Variants in BCAT1 observed in about 807,000 individuals in gnomAD.
BCAT1 encodes branched chain amino acid transaminase 1.
Under a neutral mutation model 52.4 loss-of-function variants are expected in BCAT1, and 48 were observed. The observed-to-expected ratio is 0.92, with a 90% CI of 0.73 to 1.16. BCAT1 has a LOEUF of 1.16. Ranked by LOEUF, BCAT1 falls within the 50% of genes most tolerant of loss-of-function variation. The probability of loss-of-function intolerance (pLI) is 0.00; values close to 1 mark genes in which losing one functional copy is unlikely to be tolerated. For missense variants in BCAT1, 451 were observed against 457.1 expected (o/e 0.99, Z 0.12); for synonymous variants, 167 against 161.3 (o/e 1.04, Z -0.27).
intron 5 of BCAT1, among the ~76,000 whole-genome samples, chr12:24,854,562 A>C (rs1361241130): frequency 1.3e-5 from 2 of 152,178 alleles, no homozygotes; most frequent in African/African-American, 4.8e-5. Context: ...GAGGGTCAGG[A>C]AAGCGAGGGC....
At chr12:24,942,483 G>A (rs1204018878) in intron 1 of BCAT1, among the ~76,000 whole-genome samples, 2 of 151,236 alleles carry the variant, frequency 1.3e-5, no homozygotes, top group African/African-American at 4.9e-5. Context: ...GGCAGAGGTT[G>A]CAGTGAGCCA....
chr12:24,814,265 T>C lies in BCAT1; in HGVS notation c.*3743A>G, dbSNP rs1365225444. On this transcript the variant is annotated 3_prime_UTR_variant, in exon 11 of 11. Coordinates refer to ENST00000261192, the MANE Select transcript of BCAT1 (RefSeq NM_005504.7). ...ATGAAATAAGGGATTTCTCTAACCCTTAACTCTTCTGCCGGCTTACTTGGT... is the reference window on the plus strand; with the variant it reads ...ATGAAATAAGGGATTTCTCTAACCCCTAACTCTTCTGCCGGCTTACTTGGT... The C allele has an allele frequency of 4.6e-5, 7 of 152,116 alleles. No homozygotes were observed. The highest frequency in any genetic ancestry group is 3.9e-4 in the Admixed American group (6 of 15,266). 9.4% of individuals were successfully genotyped at this position (152,116 alleles called of 1,614,324 possible). A position where few individuals can be genotyped will look rare whatever the true frequency, so the allele number is the denominator to read the frequency against.
At chr12:24,869,964 G>A (rs1240212994) in intron 5 of BCAT1, among the ~76,000 whole-genome samples, 1 of 151,960 alleles carries the variant, frequency 6.6e-6, no homozygotes, top group South Asian at 2.1e-4. Context: ...GAGAGATAAT[G>A]TACAAACACA....
intron 8 of BCAT1, among the ~76,000 whole-genome samples, chr12:24,835,592 T>A (rs532559034): frequency 7.3e-4 from 103 of 140,584 alleles, no homozygotes; most frequent in African/African-American, 2.5e-3. Context: ...TATTTATTTA[T>A]TTAATTTACT....
At chr12:24,933,305 G>A (rs979592388) in intron 1 of BCAT1, among the ~76,000 whole-genome samples, 7 of 151,888 alleles carry the variant, frequency 4.6e-5, no homozygotes, top group Non-Finnish European at 8.8e-5. Flanking sequence ...TCATCCATGA[G>A]AGGTGGGTTG....
In BCAT1 at chr12:24,842,797, A is replaced by G. The variant is rs548951863; in HGVS notation, c.675-573T>C. 2.0e-5 allele frequency among the ~76,000 whole-genome samples: 3 copies of G among 152,334 alleles called. No homozygotes were observed. The South Asian group carries it at 6.2e-4, about 32-fold the overall frequency. The stretch of plus-strand genomic sequence containing the variant: ...TTAAAAGTCTCGATGTTGACCAAAA[A>G]GTATTTCAAAAGCCTATTTTTCTCA... On this transcript the variant is annotated intron_variant, in intron 6 of 10. Coordinates refer to ENST00000261192, the MANE Select transcript of BCAT1 (RefSeq NM_005504.7).
chr12:24,845,663 A>C (rs1485250318), intron 6 of BCAT1, among the ~76,000 whole-genome samples: 1 of 152,230 alleles, frequency 6.6e-6, no homozygotes, highest in Non-Finnish European at 1.5e-5. Flanking sequence ...TGCTTTATAT[A>C]TCTCATTGGG....
intron 5 of BCAT1, among the ~76,000 whole-genome samples, chr12:24,869,728 T>A (rs1200692799): frequency 1.3e-5 from 2 of 152,096 alleles, no homozygotes; most frequent in Non-Finnish European, 2.9e-5. Context: ...TGCTATAACC[T>A]CCAACGTGGT....
intron 5 of BCAT1, among the ~76,000 whole-genome samples, chr12:24,873,453 C>A (rs1464924692): frequency 6.6e-6 from 1 of 152,116 alleles, no homozygotes; most frequent in Non-Finnish European, 1.5e-5. Flanking sequence ...GTTTATATAA[C>A]ATAATATCCA....
chr12:24,947,276 T>C (rs1438793495), intron 1 of BCAT1, among the ~76,000 whole-genome samples: 2 of 152,112 alleles, frequency 1.3e-5, no homozygotes, highest in Non-Finnish European at 2.9e-5. Flanking sequence ...TCTAAATTTA[T>C]TAAGTCATAA....
intron 6 of BCAT1, among the ~76,000 whole-genome samples, chr12:24,848,282 C>A (rs1284943793): frequency 6.6e-6 from 1 of 152,122 alleles, no homozygotes; most frequent in Non-Finnish European, 1.5e-5. Context: ...CCCTATTATA[C>A]CCCTTCCCGA....
chr12:24,837,541 C>T (rs1003743073), intron 7 of BCAT1, among the ~76,000 whole-genome samples: 1 of 151,560 alleles, frequency 6.6e-6, no homozygotes, highest in African/African-American at 2.4e-5. Flanking sequence ...ATTCTCCTGC[C>T]TCAGCCTCCT....
chr12:24,834,756 T>G lies in BCAT1; in HGVS notation c.903+1755A>C, dbSNP rs147980699. The G allele has an allele frequency of 4.8e-4, 547 of 1,146,498 alleles. 6 individuals carry two copies. In the African/African-American group the frequency reaches 8.5e-3, roughly 18 times the overall value. The allele number at this position is 1,146,498 out of a possible 1,614,324, so 71.0% of individuals were successfully genotyped here. ...TGCAATTATGTTGTTCAAAAGTAAA[T>G]GAACTGCAGAAAATCAGGCAAATTA... is the stretch of plus-strand genomic sequence containing the variant. On this transcript the variant is annotated intron_variant, in intron 8 of 10. Coordinates refer to ENST00000261192, the MANE Select transcript of BCAT1 (RefSeq NM_005504.7).
chr12:24,889,002 C>T (rs1230264530), intron 3 of BCAT1, among the ~76,000 whole-genome samples: 1 of 152,164 alleles, frequency 6.6e-6, no homozygotes, highest in Non-Finnish European at 1.5e-5. Context: ...GGTGGGGCAA[C>T]CAGACTTCCC....
At chr12:24,897,880 C>A (rs1485709468) in intron 2 of BCAT1, among the ~76,000 whole-genome samples, 1 of 151,986 alleles carries the variant, frequency 6.6e-6, no homozygotes, top group Admixed American at 6.6e-5. Flanking sequence ...AAGTAATATA[C>A]GATTAGGTGG....
chr12:24,887,098 T>TATAC (rs1218090417), intron 3 of BCAT1, among the ~76,000 whole-genome samples: 1 of 99,944 alleles, frequency 1.0e-5, no homozygotes, highest in Non-Finnish European at 1.9e-5. Context: ...TATATATATA[T>TATAC]ATATATATAT....
intron 1 of BCAT1, among the ~76,000 whole-genome samples, chr12:24,921,339 C>G (rs1456493975): frequency 6.6e-6 from 1 of 152,258 alleles, no homozygotes; most frequent in East Asian, 1.9e-4. Flanking sequence ...GGGACACTGG[C>G]TTTTTTTAGG....
At chr12:24,941,665 G>A (rs1474717705) in intron 1 of BCAT1, among the ~76,000 whole-genome samples, 1 of 152,082 alleles carries the variant, frequency 6.6e-6, no homozygotes, top group Non-Finnish European at 1.5e-5. Flanking sequence ...ATCTTTTTGG[G>A]GCAAGGTTCA....
Position 24,855,306 on chromosome 12 carries a change from T to TA in BCAT1, c.511-5358dup, listed in dbSNP as rs777009658. On this transcript the variant is annotated intron_variant, in intron 5 of 10. Coordinates refer to ENST00000261192, the MANE Select transcript of BCAT1 (RefSeq NM_005504.7). ...GGTAGCCCTGCTCCGCAGGAGCAGTTAAAAAAAAAAAAAAAGAAAGAAAAA... is the reference window on the plus strand; with the variant it reads ...GGTAGCCCTGCTCCGCAGGAGCAGTTAAAAAAAAAAAAAAAAGAAAGAAAAA... Among the ~76,000 whole-genome samples the TA allele has an allele frequency of 8.2e-3, 882 of 108,218 alleles. 7 individuals carry two copies. The highest frequency in any genetic ancestry group is 0.026 in the African/African-American group (749 of 29,344). The allele number at this position is 108,218 out of a possible 152,430, so 71.0% of individuals were successfully genotyped here. A position where few individuals can be genotyped will look rare whatever the true frequency, so the allele number is the denominator to read the frequency against.
Sources: allele counts gnomAD v4.1 joint callset (sites outside exome capture counted in the v4.1 genomes callset), GRCh38; gene constraint gnomAD v4.1.1; transcripts MANE v1.5; gene names NCBI Gene and HGNC (gene_info 2026-07-23, HGNC 2026-07-21).